SLC35F3: variants seen among roughly 807,000 people sequenced by gnomAD.
SLC35F3 encodes the protein solute carrier family 35 member F3.
SLC35F3 carries 25 observed loss-of-function variants against 49.9 expected under a neutral mutation model. That is an observed-to-expected ratio of 0.50 (90% CI 0.37 to 0.70). The LOEUF is 0.70. Ranked by LOEUF, SLC35F3 falls within the 30% of genes least tolerant of loss-of-function variation. The probability of loss-of-function intolerance (pLI) is 0.00; values close to 1 mark genes in which losing one functional copy is unlikely to be tolerated. For missense variants in SLC35F3, 525 were observed against 639.8 expected, an observed-to-expected ratio of 0.82 and a Z score of 1.94; for synonymous variants, 275 against 265.4, an observed-to-expected ratio of 1.04 and a Z score of -0.35.
chr1:234,049,906 C>T (rs903271384), intron 2 of SLC35F3, among the ~76,000 whole-genome samples: 5 of 152,062 alleles, frequency 3.3e-5, no homozygotes, highest in African/African-American at 4.8e-5. Flanking sequence ...TCTGTCCTTG[C>T]GATAGGTTGC....
At chr1:234,304,059 T>TTCC (rs1668736074) in intron 3 of SLC35F3, among the ~76,000 whole-genome samples, 2 of 75,068 alleles carry the variant, frequency 2.7e-5, no homozygotes, top group South Asian at 4.0e-4. Flanking sequence ...CTTTCCTTCC[T>TTCC]TTCCTTCCTT....
Position 234,231,698 on chromosome 1 carries a change from G to A in SLC35F3, c.565G>A (p.Val189Ile). 1 of 1,613,842 alleles carries A rather than the reference G, an allele frequency of 6.2e-7. No homozygotes were observed. The highest frequency in any genetic ancestry group is 8.5e-7 in the Non-Finnish European group (1 of 1,179,818). ...CTTCCCGTTGTACTACGTGGGGCAC[G>A]TCTGCAAGTCCACAGAGAAGCAGTC... Reference protein sequence around the residue: ...LFFPLYYVGHVCKSTEKQSVK... With the variant: ...LFFPLYYVGHICKSTEKQSVK... Residue 189 changes from valine (V) to isoleucine (I), a missense_variant, in exon 3 of 8, where the codon GTC becomes ATC. Coordinates refer to ENST00000366618, the MANE Select transcript of SLC35F3 (RefSeq NM_173508.4). The surrounding 1 kb of genome is among the most constrained non-coding windows in gnomAD (Gnocchi z 5.4).
intron 4 of SLC35F3, among the ~76,000 whole-genome samples, chr1:234,312,240 G>A (rs745806987): frequency 1.5e-4 from 23 of 152,236 alleles, no homozygotes; most frequent in African/African-American, 4.6e-4. Context: ...GAGATTCTCC[G>A]ATTGTTCAGG....
intron 2 of SLC35F3, among the ~76,000 whole-genome samples, chr1:233,915,421 G>A (rs371917372): frequency 2.0e-5 from 3 of 152,120 alleles, no homozygotes; most frequent in Admixed American, 6.6e-5. Flanking sequence ...TGGTGCGCAC[G>A]TGTAGTCCCA....
intron 2 of SLC35F3, among the ~76,000 whole-genome samples, chr1:234,042,188 G>A (rs1664231203): frequency 6.6e-6 from 1 of 152,144 alleles, no homozygotes. Flanking sequence ...ATAATAAGCA[G>A]TATAATAAAT....
intron 2 of SLC35F3, among the ~76,000 whole-genome samples, chr1:233,908,499 A>G (rs920295446): frequency 6.6e-6 from 1 of 151,164 alleles, no homozygotes; most frequent in Non-Finnish European, 1.5e-5. Context: ...TTGGATTCGC[A>G]AGTTTCGCTC....
chr1:234,160,364 G>C (rs1296225831), intron 2 of SLC35F3, among the ~76,000 whole-genome samples: 3 of 152,194 alleles, frequency 2.0e-5, no homozygotes, highest in East Asian at 3.8e-4. Flanking sequence ...CAACAGCGTT[G>C]TTGGAGACAA....
chr1:234,012,502 C>T (rs971859576), intron 2 of SLC35F3, among the ~76,000 whole-genome samples: 17 of 152,190 alleles, frequency 1.1e-4, no homozygotes, highest in African/African-American at 2.4e-5. Context: ...GACAGAGGTC[C>T]CTGCGGCTTT....
intron 2 of SLC35F3, among the ~76,000 whole-genome samples, chr1:234,160,437 A>C (rs1666209085): frequency 6.6e-6 from 1 of 152,144 alleles, no homozygotes; most frequent in Non-Finnish European, 1.5e-5. Context: ...CTCAACTCCA[A>C]AGGTGAAGCT....
chr1:234,323,471 A>G lies in SLC35F3; in HGVS notation c.*228A>G. 3.6e-6 allele frequency: 2 copies of G among 555,446 alleles called. No homozygotes were observed. The highest frequency in any genetic ancestry group is 1.9e-5 in the African/African-American group (1 of 53,300). 34.4% of individuals were successfully genotyped at this position (555,446 alleles called of 1,614,324 possible). A position where few individuals can be genotyped will look rare whatever the true frequency, so the allele number is the denominator to read the frequency against. The stretch of plus-strand genomic sequence containing the variant: ...AGAAGAACCTCTCAGTGCTTTTCCA[A>G]CGAATGTAAAGTGGGTTTAAAAGTT... On this transcript the variant is annotated 3_prime_UTR_variant, in exon 8 of 8. Coordinates refer to ENST00000366618, the MANE Select transcript of SLC35F3 (RefSeq NM_173508.4). The surrounding 1 kb of genome is among the most constrained non-coding windows in gnomAD (Gnocchi z 4.5).
chr1:233,989,041 T>C (rs974065259), intron 2 of SLC35F3, among the ~76,000 whole-genome samples: 9 of 152,228 alleles, frequency 5.9e-5, no homozygotes, highest in African/African-American at 1.7e-4. Context: ...ACTGTTAATA[T>C]TCTAATTTTT....
chr1:234,091,658 A>G (rs1277426828), intron 2 of SLC35F3, among the ~76,000 whole-genome samples: 1 of 152,182 alleles, frequency 6.6e-6, no homozygotes, highest in Admixed American at 6.5e-5. Flanking sequence ...CCTTTTTTCT[A>G]TACACCATTT....
At chr1:234,162,347 A>C (rs955277806) in intron 2 of SLC35F3, among the ~76,000 whole-genome samples, 1 of 119,098 alleles carries the variant, frequency 8.4e-6, no homozygotes, top group South Asian at 3.1e-4. Flanking sequence ...GGAGGATTTC[A>C]TGGATTCCAG....
At chr1:234,316,491 T>A in intron 4 of SLC35F3, 111 bp from the exon 5 acceptor site, 2 of 1,376,446 alleles carry the variant, frequency 1.5e-6, no homozygotes, top group East Asian at 4.9e-5. Flanking sequence ...GAGACACCAC[T>A]TTCCCCTCAC....
At chr1:234,037,868 G>A (rs1664166938) in intron 2 of SLC35F3, among the ~76,000 whole-genome samples, 1 of 152,226 alleles carries the variant, frequency 6.6e-6, no homozygotes, top group African/African-American at 2.4e-5. Flanking sequence ...TAAGAGTAGT[G>A]AGGGTAAAGG....
At chr1:233,994,860 C>A (rs1229975041) in intron 2 of SLC35F3, among the ~76,000 whole-genome samples, 5 of 151,858 alleles carry the variant, frequency 3.3e-5, no homozygotes, top group Admixed American at 2.0e-4. Flanking sequence ...AAAAAAAAAC[C>A]CAAACCAAAA....
chr1:234,096,267 A>T (rs1199355326), intron 2 of SLC35F3, among the ~76,000 whole-genome samples: 1 of 143,860 alleles, frequency 7.0e-6, no homozygotes, highest in Non-Finnish European at 1.5e-5. Context: ...CTCTTTCCCC[A>T]CATCACCCTT....
At chr1:234,151,617 A>G (rs1666076891) in intron 2 of SLC35F3, among the ~76,000 whole-genome samples, 1 of 152,102 alleles carries the variant, frequency 6.6e-6, no homozygotes, top group Non-Finnish European at 1.5e-5. Flanking sequence ...TCAAAAATTA[A>G]GATTAAACTA....
intron 2 of SLC35F3, among the ~76,000 whole-genome samples, chr1:233,972,130 G>C (rs1008800592): frequency 5.3e-5 from 8 of 152,210 alleles, no homozygotes; most frequent in African/African-American, 1.9e-4. Flanking sequence ...GTTGCTGGCT[G>C]CAAATGTGTG....
Sources: gnomAD v4.1 joint callset for allele counts (sites outside exome capture counted in the v4.1 genomes callset) on GRCh38, gnomAD v4.1.1 for gene constraint, Gnocchi (gnomAD v3.1) non-coding constraint, MANE v1.5 for transcripts, NCBI Gene and HGNC (gene_info 2026-07-23, HGNC 2026-07-21) for gene names.